Variants in SLC43A2 observed in about 807,000 individuals in gnomAD.
The protein encoded by SLC43A2 is large neutral amino acids transporter small subunit 4.
In SLC43A2, 38 loss-of-function variants were observed where a neutral mutation model predicts 63.2. The ratio of observed to expected loss-of-function variants is 0.60; its 90% confidence interval spans 0.46 to 0.79. The LOEUF (loss-of-function observed/expected upper bound fraction) is 0.79. Ranked by LOEUF, SLC43A2 falls within the 30% of genes least tolerant of loss-of-function variation. The pLI, the probability that SLC43A2 is intolerant of heterozygous loss-of-function variation, is 0.00. For missense variants in SLC43A2, 644 were observed against 756.2 expected, an observed-to-expected ratio of 0.85 and a Z score of 1.74; for synonymous variants, 322 against 331.0, an observed-to-expected ratio of 0.97 and a Z score of 0.30.
intron 2 of SLC43A2, among the ~76,000 whole-genome samples, chr17:1,626,904 T>C (rs1327032821): frequency 6.6e-6 from 1 of 152,166 alleles, no homozygotes; most frequent in Admixed American, 6.6e-5. Context: ...GTGGCCCTCC[T>C]GTGGGGCTGA....
Position 1,593,051 on chromosome 17 carries a change from A to G in SLC43A2, c.594+136T>C. The G allele has an allele frequency of 1.3e-6, 1 of 748,030 alleles. No homozygotes were observed. Among genetic ancestry groups the G allele is most frequent in the Non-Finnish European group, 2.3e-6 (1 of 441,628 alleles). The allele number at this position is 748,030 out of a possible 1,614,324, so 46.3% of individuals were successfully genotyped here. A position where few individuals can be genotyped will look rare whatever the true frequency, so the allele number is the denominator to read the frequency against. On this transcript the variant is annotated intron_variant, in intron 6 of 13. Transcript: ENST00000301335. The surrounding 1 kb of genome is among the most constrained non-coding windows in gnomAD (Gnocchi z 5.3). ...TTCATTTGTCGCCCCTGTGATGCCC[A>G]GGTGCATCCTGCCCGGGTGGGGGTG... is the stretch of plus-strand genomic sequence containing the variant.
intron 4 of SLC43A2, among the ~76,000 whole-genome samples, chr17:1,613,978 T>C (rs1344845808): frequency 6.6e-6 from 1 of 151,978 alleles, no homozygotes; most frequent in Non-Finnish European, 1.5e-5. Context: ...GCGCGGTGGC[T>C]CACGCCTGTA....
intron 9 of SLC43A2, among the ~76,000 whole-genome samples, chr17:1,589,219 A>C (rs8066066): frequency 0.14 from 21,243 of 152,190 alleles, 2,003 homozygotes; most frequent in Admixed American, 0.32. Context: ...GCTTGAGTAA[A>C]AGACGCTGAC....
At chr17:1,618,671 A>G (rs1403989599) in intron 2 of SLC43A2, among the ~76,000 whole-genome samples, 1 of 152,222 alleles carries the variant, frequency 6.6e-6, no homozygotes, top group Non-Finnish European at 1.5e-5. Context: ...TTGGCCTACA[A>G]TAGCTGTTTA....
intron 9 of SLC43A2, 119 bp downstream of exon 9, chr17:1,590,683 G>T: frequency 7.7e-7 from 1 of 1,291,454 alleles, no homozygotes; most frequent in Non-Finnish European, 1.1e-6. Flanking sequence ...ACAGCTCCTG[G>T]GATGCGGCCT....
In SLC43A2 at chr17:1,591,598, C is replaced by T. The variant is rs1205240290; in HGVS notation, c.696G>A (p.Glu232=). Reference sequence around the variant, plus strand: ...CCATGTCCTCCGGCCCCGGGAAGGGCTCAAGGGGCCAGTTAAAGAAGCAGT... The same window carrying T: ...CCATGTCCTCCGGCCCCGGGAAGGGTTCAAGGGGCCAGTTAAAGAAGCAGT... ...FLNCFFNWPL[E]PFPGPEDMDY... is the part of the protein sequence containing the mutation. The change falls in exon 7 of 14, where the codon GAG becomes GAA. Residue 232 remains glutamate, a synonymous_variant. Transcript: ENST00000301335. The T allele has an allele frequency of 6.5e-7, 1 of 1,549,668 alleles. No homozygotes were observed.
Position 1,591,712 on chromosome 17 carries a change from G to A in SLC43A2, c.595-13C>T, listed in dbSNP as rs777816781. 15 of 1,223,018 alleles carry A rather than the reference G, an allele frequency of 1.2e-5. 1 individual carries two copies. Among genetic ancestry groups the A allele is most frequent in the African/African-American group, 6.5e-5 (4 of 61,860 alleles). The allele number at this position is 1,223,018 out of a possible 1,614,324, so 75.8% of individuals were successfully genotyped here. A position where few individuals can be genotyped will look rare whatever the true frequency, so the allele number is the denominator to read the frequency against. ...CATCATAGATGAGCTGACAGGCACC[G>A]CGGGGACGGGGTGGGGGGGGGAGGG... is the stretch of plus-strand genomic sequence containing the variant. On this transcript the variant is annotated splice_polypyrimidine_tract_variant and intron_variant, in intron 6 of 13. Transcript: ENST00000301335.
At position 1,605,019 on chromosome 17, in the gene SLC43A2, A is replaced by T; in HGVS notation, c.501+8176T>A. 1 of 1,427,730 alleles carries T rather than the reference A, an allele frequency of 7.0e-7. No homozygotes were observed. Among genetic ancestry groups the T allele is most frequent in the Non-Finnish European group, 9.2e-7 (1 of 1,092,528 alleles). 88.4% of individuals were successfully genotyped at this position (1,427,730 alleles called of 1,614,324 possible). ...CGGAGGGGAAGGACCCCAGGAGGGG[A>T]AGGACCAGCTTTGCTGCCAAGCAGG... On this transcript the variant is annotated intron_variant, in intron 5 of 13. Coordinates refer to ENST00000301335, the MANE Select transcript of SLC43A2 (RefSeq NM_152346.3). This position sits in a 1 kb window ranked among gnomAD's most constrained non-coding sequence, Gnocchi z 4.9.
Position 1,593,366 on chromosome 17 carries a change from G to C in SLC43A2, c.502-87C>G, listed in dbSNP as rs535031603. 1.9e-5 allele frequency: 23 copies of C among 1,220,602 alleles called. No homozygotes were observed. Among genetic ancestry groups the C allele is most frequent in the Non-Finnish European group, 2.5e-5 (21 of 842,826 alleles). The allele number at this position is 1,220,602 out of a possible 1,614,324, so 75.6% of individuals were successfully genotyped here. On this transcript the variant is annotated intron_variant, in intron 5 of 13. Transcript: ENST00000301335. This position sits in a 1 kb window ranked among gnomAD's most constrained non-coding sequence, Gnocchi z 5.3. ...GGGGACAGAGAACTAGGCCCCATGA[G>C]GCCCCTTCTTCACCTGCGCCCCTTC...
chr17:1,610,120 T>C (rs1481941340), intron 5 of SLC43A2, among the ~76,000 whole-genome samples: 1 of 151,936 alleles, frequency 6.6e-6, no homozygotes, highest in Non-Finnish European at 1.5e-5. Context: ...TTTCACCATG[T>C]TGGCCAGGCT....
In SLC43A2 at chr17:1,627,880, G is replaced by A. The variant is rs774934544; in HGVS notation, c.-6C>T. The A allele has an allele frequency of 6.4e-7, 1 of 1,552,780 alleles. No homozygotes were observed. The highest frequency in any genetic ancestry group is 1.2e-5 in the South Asian group (1 of 84,350). The stretch of plus-strand genomic sequence containing the variant: ...GTGGCCAGGGTGGGCGCCATGGTGC[G>A]GCGCGGCGCGGCTCCGGCTCCGGCT... On this transcript the variant is annotated 5_prime_UTR_variant, in exon 2 of 14. Transcript: ENST00000301335.
chr17:1,626,298 G>A (rs984653781), intron 2 of SLC43A2, among the ~76,000 whole-genome samples: 2 of 151,500 alleles, frequency 1.3e-5, no homozygotes, highest in Admixed American at 1.3e-4. Flanking sequence ...ACTCCAACCT[G>A]TGCCTTTCGG....
chr17:1,604,671 G>C (rs1906415970), intron 5 of SLC43A2: 1 of 1,494,582 alleles, frequency 6.7e-7, no homozygotes, highest in Non-Finnish European at 9.0e-7. Context: ...ACAATGCCCA[G>C]TCCCCAACTA....
intron 9 of SLC43A2, among the ~76,000 whole-genome samples, chr17:1,588,139 C>T (rs1904385938): frequency 6.6e-6 from 1 of 152,248 alleles, no homozygotes; most frequent in South Asian, 2.1e-4. Flanking sequence ...TGGCTCACGC[C>T]TGTAATCTCA....
chr17:1,624,554 A>C (rs907861707), intron 2 of SLC43A2, among the ~76,000 whole-genome samples: 2 of 151,724 alleles, frequency 1.3e-5, no homozygotes, highest in Non-Finnish European at 2.9e-5. Flanking sequence ...AAATACAAAA[A>C]TTAGCCGGGC....
Position 1,575,535 on chromosome 17 carries a change from C to G in SLC43A2, c.*69G>C, listed in dbSNP as rs1347003761. ...AGGTCCTGGGGGTGCGTGGGGTACT[C>G]TGGAGGGGCAGGACAGGGGTCAGTC... On this transcript the variant is annotated 3_prime_UTR_variant, in exon 14 of 14. Coordinates refer to ENST00000301335, the MANE Select transcript of SLC43A2 (RefSeq NM_152346.3). 1 of 1,602,500 alleles carries G rather than the reference C, an allele frequency of 6.2e-7. No homozygotes were observed. The highest frequency in any genetic ancestry group is 1.3e-5 in the African/African-American group (1 of 74,672).
Position 1,599,042 on chromosome 17 carries a change from C to A in SLC43A2, c.502-5763G>T, listed in dbSNP as rs539809345. ...GACATCTTGTATTTTTAATTATGATCTTTTCCTTAGAACGGCAATGCCTGG... is the reference window on the plus strand; with the variant it reads ...GACATCTTGTATTTTTAATTATGATATTTTCCTTAGAACGGCAATGCCTGG... On this transcript the variant is annotated intron_variant, in intron 5 of 13. Coordinates refer to ENST00000301335, the MANE Select transcript of SLC43A2 (RefSeq NM_152346.3). Among the ~76,000 whole-genome samples the A allele has an allele frequency of 2.3e-3, 355 of 152,326 alleles. 1 individual carries two copies. Among genetic ancestry groups the A allele is most frequent in the Non-Finnish European group, 4.4e-3 (301 of 68,038 alleles).
Position 1,591,357 on chromosome 17 carries a change from A to G in SLC43A2, c.843T>C (p.Ser281=), listed in dbSNP as rs2151044867. The change falls in exon 8 of 14, where the codon AGT becomes AGC. Residue 281 remains serine, a synonymous_variant. Transcript: ENST00000301335. ...RRLSVGSSMR[S]AKEQVALQEG... ...CCTGCAGCGCCACCTGCTCCTTGGC[A>G]CTCCTCATGGAGCTGCCCACACTCA... is the stretch of plus-strand genomic sequence containing the variant. 1 of 1,611,206 alleles carries G rather than the reference A, an allele frequency of 6.2e-7. No homozygotes were observed. The highest frequency in any genetic ancestry group is 8.5e-7 in the Non-Finnish European group (1 of 1,179,892).
chr17:1,615,581 C>A (rs1484298039), intron 3 of SLC43A2, among the ~76,000 whole-genome samples: 1 of 149,728 alleles, frequency 6.7e-6, no homozygotes, highest in Non-Finnish European at 1.5e-5. Flanking sequence ...CGATGGCTCA[C>A]GCCTGTAATC....
Sources: gnomAD v4.1 joint callset for allele counts (sites outside exome capture counted in the v4.1 genomes callset) on GRCh38, gnomAD v4.1.1 for gene constraint, Gnocchi (gnomAD v3.1) non-coding constraint, MANE v1.5 for transcripts, NCBI Gene and HGNC (gene_info 2026-07-23, HGNC 2026-07-21) for gene names.